The following SEMA5A variants were observed in gnomAD, a reference collection of about 807,000 sequenced individuals.
The protein encoded by SEMA5A is semaphorin 5A, also known as semaphorin-5A.
SEMA5A carries 55 observed loss-of-function variants against 135.5 expected under a neutral mutation model. That is an observed-to-expected ratio of 0.41 (90% CI 0.33 to 0.51). The LOEUF (loss-of-function observed/expected upper bound fraction) is 0.51. SEMA5A is among the 20% of genes least tolerant of loss of function. The pLI is 0.37. For synonymous variants in SEMA5A, 580 were observed against 546.5 expected, an observed-to-expected ratio of 1.06 and a Z score of -0.85; for missense variants, 1,290 against 1,419.9, an observed-to-expected ratio of 0.91 and a Z score of 1.47.
intron 11 of SEMA5A, among the ~76,000 whole-genome samples, chr5:9,180,868 G>A (rs1744471300): frequency 6.6e-6 from 1 of 152,172 alleles, no homozygotes; most frequent in Admixed American, 6.5e-5. Flanking sequence ...CACTCTTGCA[G>A]AAGAAACTTC....
intron 2 of SEMA5A, among the ~76,000 whole-genome samples, chr5:9,411,400 C>T (rs1157511301): frequency 2.0e-5 from 3 of 152,218 alleles, no homozygotes; most frequent in African/African-American, 4.8e-5. Flanking sequence ...ACGCAAGCAA[C>T]GTGCATGCTG....
chr5:9,401,944 G>A (rs143919932), intron 2 of SEMA5A, among the ~76,000 whole-genome samples: 3,116 of 152,236 alleles, frequency 0.02, 48 homozygotes, highest in Non-Finnish European at 0.03. Context: ...ATAAGGCCCC[G>A]TGTATGTGTT....
intron 1 of SEMA5A, among the ~76,000 whole-genome samples, chr5:9,513,067 TA>T (rs1439419963): frequency 2.5e-5 from 2 of 80,258 alleles, no homozygotes; most frequent in East Asian, 4.4e-4. Flanking sequence ...TATATATATA[TA>T]ATATATATAT....
chr5:9,303,485 A>G (rs1751714619), intron 5 of SEMA5A, among the ~76,000 whole-genome samples: 1 of 152,152 alleles, frequency 6.6e-6, no homozygotes, highest in Admixed American at 6.5e-5. Context: ...AAACTTCCCA[A>G]AAGATACCAT....
At chr5:9,170,107 GC>G (rs1357307309) in intron 11 of SEMA5A, among the ~76,000 whole-genome samples, 1 of 152,078 alleles carries the variant, frequency 6.6e-6, no homozygotes, top group Non-Finnish European at 1.5e-5. Context: ...GAGTGACAAT[GC>G]CCCCCTTTTC....
At chr5:9,487,476 G>A (rs187449602) in intron 1 of SEMA5A, among the ~76,000 whole-genome samples, 21 of 152,222 alleles carry the variant, frequency 1.4e-4, no homozygotes, top group Non-Finnish European at 2.5e-4. Flanking sequence ...AAGCTCAGGC[G>A]TCAAGGCTGA....
intron 5 of SEMA5A, among the ~76,000 whole-genome samples, chr5:9,288,163 G>C (rs902120603): frequency 6.6e-6 from 1 of 152,176 alleles, no homozygotes; most frequent in Non-Finnish European, 1.5e-5. Flanking sequence ...TAGGAATTAC[G>C]TGACACCATC....
At chr5:9,295,582 C>T (rs1255920485) in intron 5 of SEMA5A, among the ~76,000 whole-genome samples, 3 of 152,036 alleles carry the variant, frequency 2.0e-5, no homozygotes, top group South Asian at 2.1e-4. Context: ...CTCTTCAGAG[C>T]TTATGGCAGA....
chr5:9,281,720 A>G (rs1355916589), intron 5 of SEMA5A, among the ~76,000 whole-genome samples: 1 of 152,162 alleles, frequency 6.6e-6, no homozygotes. Context: ...AAACTGATTA[A>G]CAGGAACCAA....
At chr5:9,267,410 T>C (rs1003450713) in intron 5 of SEMA5A, among the ~76,000 whole-genome samples, 20 of 152,178 alleles carry the variant, frequency 1.3e-4, no homozygotes, top group African/African-American at 4.8e-4. Context: ...CACTTTACTT[T>C]AGGAAGTTCT....
intron 5 of SEMA5A, among the ~76,000 whole-genome samples, chr5:9,305,978 C>A (rs1212106871): frequency 6.6e-6 from 1 of 152,132 alleles, no homozygotes; most frequent in Non-Finnish European, 1.5e-5. Flanking sequence ...CTTCCATTGT[C>A]TCCTGAGTTT....
At chr5:9,387,214 C>T (rs1755933312) in intron 2 of SEMA5A, among the ~76,000 whole-genome samples, 1 of 152,162 alleles carries the variant, frequency 6.6e-6, no homozygotes, top group Non-Finnish European at 1.5e-5. Flanking sequence ...ACCCCCAGAC[C>T]AGGAGCATAG....
chr5:9,223,840 C>A (rs1747143824), intron 8 of SEMA5A, among the ~76,000 whole-genome samples: 1 of 152,184 alleles, frequency 6.6e-6, no homozygotes, highest in Admixed American at 6.5e-5. Context: ...CACATCAGGG[C>A]TTTGTACACA....
At position 9,307,723 on chromosome 5, in the gene SEMA5A, C is replaced by T. The variant is rs538216506; in HGVS notation, c.270+10649G>A. ...CAGAGAATTCTGAGCATGCCCATCA[C>T]TCAGCAGTCATGGCACTTATGGGGG... On this transcript the variant is annotated intron_variant, in intron 5 of 22. Coordinates refer to ENST00000382496, the MANE Select transcript of SEMA5A (RefSeq NM_003966.3). Among the ~76,000 whole-genome samples, 5 of 152,230 alleles carry T rather than the reference C, an allele frequency of 3.3e-5. No homozygotes were observed. In the South Asian group the frequency reaches 8.3e-4, roughly 25 times the overall value.
In SEMA5A at chr5:9,121,342, C is replaced by A. The variant is rs1397341819; in HGVS notation, c.1781+1314G>T. Among the ~76,000 whole-genome samples, 4 of 152,232 alleles carry A rather than the reference C, an allele frequency of 2.6e-5. No individual in the cohort carries two copies. In the East Asian group the frequency reaches 7.7e-4, roughly 29 times the overall value. ...GGGGTCACTTTCACGATTATTAGTACAAAGCAATCCACTTACGTTTTTAAA... is the reference window on the plus strand; with the variant it reads ...GGGGTCACTTTCACGATTATTAGTAAAAAGCAATCCACTTACGTTTTTAAA... On this transcript the variant is annotated intron_variant, in intron 14 of 22. Coordinates refer to ENST00000382496, the MANE Select transcript of SEMA5A (RefSeq NM_003966.3).
intron 3 of SEMA5A, among the ~76,000 whole-genome samples, chr5:9,353,922 C>A (rs1754326304): frequency 6.6e-6 from 1 of 151,716 alleles, no homozygotes; most frequent in South Asian, 2.1e-4. Flanking sequence ...ATCAGCAGCC[C>A]CAAGTCAAAC....
intron 1 of SEMA5A, among the ~76,000 whole-genome samples, chr5:9,463,381 C>T (rs1442783203): frequency 6.6e-6 from 1 of 151,942 alleles, no homozygotes; most frequent in Non-Finnish European, 1.5e-5. Context: ...AAAGTCTTCT[C>T]GAGGGAAGGG....
At chr5:9,438,430 C>T (rs780127065) in intron 1 of SEMA5A, among the ~76,000 whole-genome samples, 6 of 152,192 alleles carry the variant, frequency 3.9e-5, no homozygotes, top group Admixed American at 1.3e-4. Flanking sequence ...CCAAGTAAAC[C>T]TGTCCAATCT....
At chr5:9,518,661 G>C (rs1370003416) in intron 1 of SEMA5A, among the ~76,000 whole-genome samples, 4 of 152,124 alleles carry the variant, frequency 2.6e-5, no homozygotes, top group Non-Finnish European at 5.9e-5. Flanking sequence ...CCATTTATCT[G>C]TTTGATGTTC....
Sources: allele counts gnomAD v4.1 joint callset (sites outside exome capture counted in the v4.1 genomes callset), GRCh38; gene constraint gnomAD v4.1.1; transcripts MANE v1.5; gene names NCBI Gene and HGNC (gene_info 2026-07-23, HGNC 2026-07-21).